SH2D3C: variants seen among roughly 807,000 people sequenced by gnomAD.
SH2D3C encodes the protein SH2 domain-containing protein 3C.
Under a neutral mutation model 75.2 loss-of-function variants are expected in SH2D3C, and 25 were observed. That is an observed-to-expected ratio of 0.33 (90% CI 0.24 to 0.46). The LOEUF (loss-of-function observed/expected upper bound fraction) is 0.46, where lower values mean the gene tolerates loss of function less well. Among genes scored for constraint, SH2D3C ranks in the 20% least tolerant of loss-of-function variants. SH2D3C has a pLI of 1.00. For missense variants in SH2D3C, 933 were observed against 1,165.3 expected, an observed-to-expected ratio of 0.80 and a Z score of 2.90; for synonymous variants, 450 against 473.7, an observed-to-expected ratio of 0.95 and a Z score of 0.65.
intron 2 of SH2D3C, chr9:127,771,439 G>T: frequency 1.7e-6 from 2 of 1,204,000 alleles, no homozygotes; most frequent in Non-Finnish European, 2.1e-6. Context: ...TCTCCGCCTC[G>T]AACACGGCCC....
At chr9:127,759,824 A>C (rs1245694102) in intron 3 of SH2D3C, among the ~76,000 whole-genome samples, 1 of 151,940 alleles carries the variant, frequency 6.6e-6, no homozygotes, top group Non-Finnish European at 1.5e-5. Context: ...TCTACTAAAA[A>C]TATAAAAAAT....
Position 127,744,803 on chromosome 9 carries a change from A to G in SH2D3C, c.1561T>C (p.Tyr521His). Residue 521 changes from tyrosine (Y) to histidine (H), a missense_variant, in exon 7 of 12, where the codon TAT (tyrosine) becomes CAT (histidine). Physicochemically the swap from Tyr to His is moderately conservative, Grantham distance 83 (BLOSUM62 2). Transcript: ENST00000314830. ...GACAGTTCCTTTAGCCTCTCCCCAT[A>G]GCTCCTGGCCTGCTGGCTGGAGGTC... is the stretch of plus-strand genomic sequence containing the variant. Reference protein sequence around the residue: ...TETSSQQARSYGERLKELSEN... With the variant: ...TETSSQQARSHGERLKELSEN... 1 of 1,614,092 alleles carries G rather than the reference A, an allele frequency of 6.2e-7. No individual in the cohort carries two copies. Among genetic ancestry groups the G allele is most frequent in the Non-Finnish European group, 8.5e-7 (1 of 1,180,020 alleles).
chr9:127,758,120 A>C (rs925496041), intron 3 of SH2D3C, among the ~76,000 whole-genome samples: 1 of 151,432 alleles, frequency 6.6e-6, no homozygotes, highest in African/African-American at 2.4e-5. Context: ...GAGCCACCGC[A>C]CCCAGCCTTC....
rs1845284336 is a variant in SH2D3C, at chr9:127,754,160, C to T, written c.556-2860G>A. On this transcript the variant is annotated intron_variant, in intron 3 of 11. Transcript: ENST00000314830. The surrounding 1 kb of genome is among the most constrained non-coding windows in gnomAD (Gnocchi z 4.4). ...CAGCATCCCTGCGCTCGGCGCCCTG[C>T]TATTGGCCAGAGATGATCTCACCGC... is the stretch of plus-strand genomic sequence containing the variant. 6.6e-6 allele frequency among the ~76,000 whole-genome samples: 1 copy of T among 152,192 alleles called. No individual in the cohort carries two copies. The highest frequency in any genetic ancestry group is 2.1e-4 in the South Asian group (1 of 4,834).
At position 127,739,130 on chromosome 9, in the gene SH2D3C, T is replaced by C. The variant is rs978204730; in HGVS notation, c.2408-209A>G. ...AAATGACTAGACCATAAAATATTAA[T>C]GTTAAATATGTTTGCAGATTTTTGG... On this transcript the variant is annotated intron_variant, in intron 11 of 11. Coordinates refer to ENST00000314830, the MANE Select transcript of SH2D3C (RefSeq NM_170600.3). The surrounding 1 kb of genome is among the most constrained non-coding windows in gnomAD (Gnocchi z 4.3). Among the ~76,000 whole-genome samples the C allele has an allele frequency of 2.7e-5, 4 of 150,710 alleles. No individual in the cohort carries two copies. Among genetic ancestry groups the C allele is most frequent in the Non-Finnish European group, 5.9e-5 (4 of 67,948 alleles).
chr9:127,760,497 C>T (rs1200447832), intron 3 of SH2D3C, among the ~76,000 whole-genome samples: 2 of 151,988 alleles, frequency 1.3e-5, no homozygotes, highest in Non-Finnish European at 2.9e-5. Flanking sequence ...TAATGTAGAT[C>T]ATGGGTTGAT....
chr9:127,756,488 C>T (rs1016049522), intron 3 of SH2D3C, among the ~76,000 whole-genome samples: 1 of 152,142 alleles, frequency 6.6e-6, no homozygotes, highest in Non-Finnish European at 1.5e-5. Context: ...TCTGTAAATA[C>T]ATCTGAAGCT....
At chr9:127,756,527 C>G (rs974527939) in intron 3 of SH2D3C, among the ~76,000 whole-genome samples, 1 of 151,308 alleles carries the variant, frequency 6.6e-6, no homozygotes, top group African/African-American at 2.4e-5. Context: ...ATTTTATGGT[C>G]TTGGAATTTA....
At chr9:127,771,294 C>T (rs1434017188) in intron 2 of SH2D3C, 2 of 1,509,238 alleles carry the variant, frequency 1.3e-6, no homozygotes, top group Admixed American at 4.6e-5. Flanking sequence ...CTGCCTTTCT[C>T]GGGCCACTGA....
chr9:127,748,674 G>A (rs1169562986), intron 5 of SH2D3C, among the ~76,000 whole-genome samples: 1 of 152,228 alleles, frequency 6.6e-6, no homozygotes, highest in Non-Finnish European at 1.5e-5. Flanking sequence ...CTCAGGAACC[G>A]TCAGCTGCTG....
intron 2 of SH2D3C, among the ~76,000 whole-genome samples, chr9:127,768,268 T>G (rs1352299905): frequency 6.6e-6 from 1 of 152,142 alleles, no homozygotes; most frequent in Non-Finnish European, 1.5e-5. Context: ...TGGGAATTCT[T>G]GGACCAGAAT....
intron 3 of SH2D3C, among the ~76,000 whole-genome samples, chr9:127,757,832 C>A (rs1845434082): frequency 6.6e-6 from 1 of 151,584 alleles, no homozygotes; most frequent in Non-Finnish European, 1.5e-5. Flanking sequence ...TTTTTTATAT[C>A]ATTTTTTTAG....
At chr9:127,757,635 TG>T (rs751435933) in intron 3 of SH2D3C, among the ~76,000 whole-genome samples, 3,737 of 108,722 alleles carry the variant, frequency 0.034, 97 homozygotes, top group African/African-American at 0.08. Flanking sequence ...ATGATGATGA[TG>T]ATGATGATGA....
intron 3 of SH2D3C, among the ~76,000 whole-genome samples, chr9:127,756,893 A>G (rs1054813388): frequency 4.0e-5 from 6 of 151,796 alleles, no homozygotes; most frequent in Admixed American, 3.9e-4. Flanking sequence ...CGGCCTCCCA[A>G]AGTGCTGGCA....
chr9:127,771,459 G>T (rs775580643), intron 2 of SH2D3C: 366 of 1,085,298 alleles, frequency 3.4e-4, no homozygotes, highest in Non-Finnish European at 4.4e-4. Flanking sequence ...CTCCGCCTGC[G>T]GTCTCGCTCC....
chr9:127,765,920 AT>A (rs1845625144), intron 2 of SH2D3C, among the ~76,000 whole-genome samples: 1 of 152,268 alleles, frequency 6.6e-6, no homozygotes, highest in Non-Finnish European at 1.5e-5. Flanking sequence ...AGCATTAATT[AT>A]TTAAATAACC....
intron 1 of SH2D3C, among the ~76,000 whole-genome samples, chr9:127,777,333 G>A (rs1829032508): frequency 6.6e-6 from 1 of 152,096 alleles, no homozygotes; most frequent in Admixed American, 6.5e-5. Flanking sequence ...GTACCTCTGT[G>A]CTCTTTCCCC....
chr9:127,739,957 G>A lies in SH2D3C; in HGVS notation c.2201-69C>T. On this transcript the variant is annotated intron_variant, in intron 10 of 11. Coordinates refer to ENST00000314830, the MANE Select transcript of SH2D3C (RefSeq NM_170600.3). The surrounding 1 kb of genome is among the most constrained non-coding windows in gnomAD (Gnocchi z 4.3). ...CCCACCATCCACTGCAGTCCTGGAA[G>A]CTGAGGTGCAGGAGGGAACGGGCCT... The A allele has an allele frequency of 7.2e-7, 1 of 1,396,480 alleles. No individual in the cohort carries two copies. The highest frequency in any genetic ancestry group is 9.6e-7 in the Non-Finnish European group (1 of 1,040,172). The allele number at this position is 1,396,480 out of a possible 1,614,324, so 86.5% of individuals were successfully genotyped here.
intron 3 of SH2D3C, among the ~76,000 whole-genome samples, chr9:127,760,719 G>A (rs1444805295): frequency 6.6e-6 from 1 of 152,128 alleles, no homozygotes; most frequent in African/African-American, 2.4e-5. Context: ...CAGTGATGAG[G>A]GAGAAAATCA....
Sources: allele counts gnomAD v4.1 joint callset (sites outside exome capture counted in the v4.1 genomes callset), GRCh38; gene constraint gnomAD v4.1.1; non-coding constraint Gnocchi (gnomAD v3.1); transcripts MANE v1.5; gene names NCBI Gene and HGNC (gene_info 2026-07-23, HGNC 2026-07-21).